Variants in LSAMP observed in about 807,000 individuals in gnomAD.
LSAMP encodes the protein limbic system associated membrane protein.
LSAMP carries 7 observed loss-of-function variants against 38.6 expected under a neutral mutation model. The observed-to-expected ratio is 0.18, with a 90% confidence interval of 0.10 to 0.34. The LOEUF (loss-of-function observed/expected upper bound fraction) is 0.34. LSAMP is among the 10% of genes least tolerant of loss of function. The probability of loss-of-function intolerance (pLI) is 1.00; values close to 1 mark genes in which losing one functional copy is unlikely to be tolerated. For missense variants in LSAMP, 313 were observed against 420.0 expected (o/e 0.75, Z 2.23); for synonymous variants, 154 against 166.8 (o/e 0.92, Z 0.59).
intron 3 of LSAMP, among the ~76,000 whole-genome samples, chr3:115,981,267 T>C (rs1939351535): frequency 6.6e-6 from 1 of 152,176 alleles, no homozygotes; most frequent in Non-Finnish European, 1.5e-5. Flanking sequence ...AGGAAACTAA[T>C]ACCCACTACA....
chr3:116,343,866 C>G (rs1375296011), intron 1 of LSAMP, among the ~76,000 whole-genome samples: 1 of 151,910 alleles, frequency 6.6e-6, no homozygotes, highest in African/African-American at 2.4e-5. Flanking sequence ...TGATTTTTTT[C>G]AAAGAAAACT....
At chr3:115,881,524 T>C (rs1183506954) in intron 3 of LSAMP, among the ~76,000 whole-genome samples, 1 of 152,164 alleles carries the variant, frequency 6.6e-6, no homozygotes, top group East Asian at 1.9e-4. Flanking sequence ...TGCTTATGAA[T>C]AGTGTTGCCT....
At chr3:116,412,542 A>C (rs1048320044) in intron 1 of LSAMP, among the ~76,000 whole-genome samples, 1 of 152,110 alleles carries the variant, frequency 6.6e-6, no homozygotes, top group African/African-American at 2.4e-5. Flanking sequence ...GCCATCTACC[A>C]AGCAAGAATT....
intron 1 of LSAMP, among the ~76,000 whole-genome samples, chr3:116,169,662 C>G (rs1045154001): frequency 1.3e-5 from 2 of 152,196 alleles, no homozygotes; most frequent in East Asian, 3.8e-4. Context: ...AAATTAAGCT[C>G]ATTTTATAAA....
At chr3:115,885,696 GA>G in intron 3 of LSAMP, among the ~76,000 whole-genome samples, 1 of 147,496 alleles carries the variant, frequency 6.8e-6, no homozygotes, top group Middle Eastern at 3.5e-3. Flanking sequence ...TATCAATCAA[GA>G]AGCATTTAGA....
intron 1 of LSAMP, among the ~76,000 whole-genome samples, chr3:116,139,909 G>T (rs1035095161): frequency 6.6e-6 from 1 of 151,954 alleles, no homozygotes; most frequent in Admixed American, 6.6e-5. Flanking sequence ...GGTTCTTGTA[G>T]AATTTATGGC....
intron 2 of LSAMP, among the ~76,000 whole-genome samples, chr3:116,039,173 C>T (rs779978314): frequency 6.6e-6 from 1 of 152,176 alleles, no homozygotes; most frequent in Non-Finnish European, 1.5e-5. Flanking sequence ...CATGTTGAAA[C>T]AAATCTTTTG....
At chr3:116,345,441 G>A (rs1408544802) in intron 1 of LSAMP, among the ~76,000 whole-genome samples, 2 of 152,060 alleles carry the variant, frequency 1.3e-5, no homozygotes, top group East Asian at 3.9e-4. Flanking sequence ...TTCAGGACTT[G>A]GGGTGTATCA....
chr3:116,349,953 A>G (rs901922555), intron 1 of LSAMP, among the ~76,000 whole-genome samples: 1 of 152,124 alleles, frequency 6.6e-6, no homozygotes, highest in Non-Finnish European at 1.5e-5. Flanking sequence ...AGGAAAATAT[A>G]TGCGAATATA....
At chr3:116,013,264 C>T (rs1467078041) in intron 3 of LSAMP, among the ~76,000 whole-genome samples, 2 of 152,156 alleles carry the variant, frequency 1.3e-5, no homozygotes, top group African/African-American at 2.4e-5. Flanking sequence ...GACTTAAAGG[C>T]TGACCATGTC....
rs953908773 is a variant in LSAMP, at chr3:116,131,940, G to A, written c.156-45384C>T. 2.6e-5 allele frequency among the ~76,000 whole-genome samples: 4 copies of A among 151,392 alleles called. No homozygotes were observed. In the East Asian group the frequency reaches 7.8e-4, roughly 29 times the overall value. ...CCTCCTGGGTTCAAGTGATTCTCGT[G>A]CCTCAGTCTCCCGAGTAGCTGGAAT... On this transcript the variant is annotated intron_variant, in intron 1 of 6. Transcript: ENST00000490035.
intron 4 of LSAMP, among the ~76,000 whole-genome samples, chr3:115,847,985 A>C (rs1935213898): frequency 6.6e-6 from 1 of 152,220 alleles, no homozygotes; most frequent in African/African-American, 2.4e-5. Context: ...CAAAATTATA[A>C]TGAAACATTG....
At chr3:116,303,195 C>CTTAAA in intron 1 of LSAMP, among the ~76,000 whole-genome samples, 1 of 152,088 alleles carries the variant, frequency 6.6e-6, no homozygotes, top group Non-Finnish European at 1.5e-5. Flanking sequence ...TTGTCTCTGG[C>CTTAAA]TTAAATTAAG....
chr3:115,976,044 T>C (rs946854588), intron 3 of LSAMP, among the ~76,000 whole-genome samples: 2 of 152,144 alleles, frequency 1.3e-5, no homozygotes, highest in East Asian at 1.9e-4. Context: ...TTAATACCCT[T>C]CTCCATTTTC....
chr3:116,156,883 A>T, intron 1 of LSAMP, among the ~76,000 whole-genome samples: 1 of 152,268 alleles, frequency 6.6e-6, no homozygotes, highest in Middle Eastern at 3.4e-3. Flanking sequence ...GTAGAGAATG[A>T]GGCATATTCT....
intron 3 of LSAMP, among the ~76,000 whole-genome samples, chr3:115,920,063 A>T (rs1358679855): frequency 1.3e-5 from 2 of 152,174 alleles, no homozygotes; most frequent in Admixed American, 6.5e-5. Flanking sequence ...TCTTGCATAT[A>T]TACCACATTT....
chr3:115,950,990 A>G (rs1938269570), intron 3 of LSAMP, among the ~76,000 whole-genome samples: 1 of 152,184 alleles, frequency 6.6e-6, no homozygotes, highest in Non-Finnish European at 1.5e-5. Context: ...CAGCCAACTG[A>G]CATTTGACAA....
chr3:116,146,950 CAAAAT>C (rs1709504190), intron 1 of LSAMP, among the ~76,000 whole-genome samples: 1 of 151,822 alleles, frequency 6.6e-6, no homozygotes, highest in South Asian at 2.1e-4. Flanking sequence ...TAACCATAAA[CAAAAT>C]GAGCAAGATG....
At chr3:115,811,794 G>C (rs1477514545) in intron 6 of LSAMP, among the ~76,000 whole-genome samples, 1 of 152,254 alleles carries the variant, frequency 6.6e-6, no homozygotes, top group South Asian at 2.1e-4. Flanking sequence ...CTTACTACAC[G>C]ATTTTGTCAC....
Sources: gnomAD v4.1 joint callset for allele counts (sites outside exome capture counted in the v4.1 genomes callset) on GRCh38, gnomAD v4.1.1 for gene constraint, MANE v1.5 for transcripts, NCBI Gene and HGNC (gene_info 2026-07-23, HGNC 2026-07-21) for gene names.